Variants in MYBL2 observed in about 807,000 individuals in gnomAD.
MYBL2 encodes MYB proto-oncogene like 2, also known as myb-related protein B.
In MYBL2, 28 loss-of-function variants were observed where a neutral mutation model predicts 79.9. The observed-to-expected ratio is 0.35, with a 90% confidence interval of 0.26 to 0.48. The LOEUF is 0.48. Among genes scored for constraint, MYBL2 ranks in the 20% least tolerant of loss-of-function variants. The pLI is 0.99. For missense variants in MYBL2, 735 were observed against 893.9 expected, an observed-to-expected ratio of 0.82 and a Z score of 2.27; for synonymous variants, 378 against 361.2, an observed-to-expected ratio of 1.05 and a Z score of -0.53.
At chr20:43,676,849 A>G (rs1987021448) in intron 2 of MYBL2, among the ~76,000 whole-genome samples, 2 of 148,372 alleles carry the variant, frequency 1.3e-5, no homozygotes, top group African/African-American at 2.5e-5. Flanking sequence ...CATAGTTAAC[A>G]TCATAGATGT....
chr20:43,670,713 A>G (rs925263968), intron 1 of MYBL2, among the ~76,000 whole-genome samples: 2 of 152,172 alleles, frequency 1.3e-5, no homozygotes, highest in Non-Finnish European at 2.9e-5. Context: ...CTAGGAAGCA[A>G]CGGTGAGCTT....
intron 11 of MYBL2, among the ~76,000 whole-genome samples, chr20:43,712,056 A>G (rs1463212345): frequency 6.7e-6 from 1 of 150,234 alleles, no homozygotes; most frequent in Non-Finnish European, 1.5e-5. Flanking sequence ...CAGGCCAGGC[A>G]GTGCCTGGCT....
intron 6 of MYBL2, among the ~76,000 whole-genome samples, chr20:43,699,123 C>A (rs948804523): frequency 1.5e-4 from 23 of 152,172 alleles, no homozygotes; most frequent in Non-Finnish European, 3.1e-4. Context: ...ACTGCAACCT[C>A]TGCCTCCCAG....
chr20:43,669,149 T>C (rs2145703129), intron 1 of MYBL2, among the ~76,000 whole-genome samples: 1 of 152,316 alleles, frequency 6.6e-6, no homozygotes, highest in East Asian at 1.9e-4. Flanking sequence ...TGTTTTATTT[T>C]GTGTAGAGAT....
intron 2 of MYBL2, among the ~76,000 whole-genome samples, chr20:43,678,356 C>A (rs1009435744): frequency 6.0e-5 from 9 of 151,168 alleles, no homozygotes; most frequent in Non-Finnish European, 8.8e-5. Flanking sequence ...AGAAAGGATA[C>A]ACTGGGGCTG....
At chr20:43,678,303 AAAAT>A (rs11470202) in intron 2 of MYBL2, among the ~76,000 whole-genome samples, 120,924 of 148,974 alleles carry the variant, frequency 0.81, 49,721 homozygotes, top group Non-Finnish European at 0.87. Context: ...GATCAATAAA[AAAAT>A]AAATAAAGAA....
At chr20:43,695,207 A>G (rs1987507017) in intron 6 of MYBL2, among the ~76,000 whole-genome samples, 1 of 151,692 alleles carries the variant, frequency 6.6e-6, no homozygotes, top group Admixed American at 6.6e-5. Flanking sequence ...ATCCTGGCAA[A>G]TTTTTGTATT....
intron 6 of MYBL2, among the ~76,000 whole-genome samples, chr20:43,693,276 C>G (rs542464562): frequency 6.6e-6 from 1 of 152,190 alleles, no homozygotes; most frequent in South Asian, 2.1e-4. Flanking sequence ...AAGAGATCCG[C>G]CTGCCTTGGC....
chr20:43,712,922 C>A, intron 11 of MYBL2, 80 bp from the exon 12 acceptor site: 1 of 1,108,042 alleles, frequency 9.0e-7, no homozygotes, highest in Admixed American at 2.0e-5. Context: ...TTGTGACCAT[C>A]CATGGCCATG....
rs1015986645 is a variant in MYBL2, at chr20:43,681,655, C to T, written c.115-129C>T. The T allele has an allele frequency of 3.2e-6, 3 of 925,800 alleles. No homozygotes were observed. The African/African-American group carries it at 4.9e-5, about 15-fold the overall frequency. The allele number at this position is 925,800 out of a possible 1,614,324, so 57.3% of individuals were successfully genotyped here. ...CTGCTGCAGCTGTAGTGCCTGGCAC[C>T]TTGTACGTATTCACTTCATGACGGA... On this transcript the variant is annotated intron_variant, in intron 2 of 13. Transcript: ENST00000217026.
intron 12 of MYBL2, among the ~76,000 whole-genome samples, chr20:43,714,360 C>T (rs960147176): frequency 1.3e-5 from 2 of 152,184 alleles, no homozygotes; most frequent in Non-Finnish European, 2.9e-5. Context: ...ACAGCCTTGG[C>T]TCCTCCTGAG....
In MYBL2 at chr20:43,702,476, C is replaced by T; in HGVS notation, c.952-14C>T. ...GCATAGTAATTGCAATTCCTAACCT[C>T]CCTCCCTGGACAGGACCCTGATGCT... On this transcript the variant is annotated splice_polypyrimidine_tract_variant and intron_variant, in intron 7 of 13. Coordinates refer to ENST00000217026, the MANE Select transcript of MYBL2 (RefSeq NM_002466.4). 1 of 1,578,566 alleles carries T rather than the reference C, an allele frequency of 6.3e-7. No individual in the cohort carries two copies. The highest frequency in any genetic ancestry group is 8.6e-7 in the Non-Finnish European group (1 of 1,156,378).
chr20:43,704,714 C>T (rs1359236524), intron 8 of MYBL2, among the ~76,000 whole-genome samples: 4 of 152,204 alleles, frequency 2.6e-5, no homozygotes, highest in Non-Finnish European at 2.9e-5. Flanking sequence ...GTTTTCTTAT[C>T]TGTAAAAGGG....
At chr20:43,715,937 T>A in intron 13 of MYBL2, 22 bp from the exon 14 acceptor site, 1 of 1,601,666 alleles carries the variant, frequency 6.2e-7, no homozygotes, top group Non-Finnish European at 8.5e-7. Flanking sequence ...GCCTGGATGG[T>A]AACCCTCTTG....
At chr20:43,705,506 C>A in intron 9 of MYBL2, 148 bp downstream of exon 9, 1 of 933,238 alleles carries the variant, frequency 1.1e-6, no homozygotes, top group Non-Finnish European at 1.5e-6. Flanking sequence ...TCCTTTCTGG[C>A]CACCACGATT....
intron 5 of MYBL2, among the ~76,000 whole-genome samples, chr20:43,689,597 T>C (rs1444947756): frequency 6.6e-6 from 1 of 152,228 alleles, no homozygotes; most frequent in Non-Finnish European, 1.5e-5. Flanking sequence ...GGGGGTGCTA[T>C]TTCTTCAGAG....
At chr20:43,687,197 T>TC in intron 5 of MYBL2, 125 bp downstream of exon 5, 1 of 982,628 alleles carries the variant, frequency 1.0e-6, no homozygotes, top group East Asian at 2.6e-5. Flanking sequence ...CAGCCTCGGC[T>TC]CCAGGGCTCC....
chr20:43,671,039 A>ATCTCTG (rs1986842784), intron 1 of MYBL2, among the ~76,000 whole-genome samples: 1 of 146,304 alleles, frequency 6.8e-6, no homozygotes, highest in African/African-American at 2.6e-5. Flanking sequence ...CACGATCTTG[A>ATCTCTG]CTCACTGCAA....
intron 6 of MYBL2, among the ~76,000 whole-genome samples, chr20:43,695,903 G>A (rs546170572): frequency 2.8e-4 from 43 of 152,204 alleles, no homozygotes; most frequent in Middle Eastern, 6.8e-3. Context: ...CCAGCTACTC[G>A]GGAGGCTGAG....
Sources: gnomAD v4.1 joint callset for allele counts (sites outside exome capture counted in the v4.1 genomes callset) on GRCh38, gnomAD v4.1.1 for gene constraint, MANE v1.5 for transcripts, NCBI Gene and HGNC (gene_info 2026-07-23, HGNC 2026-07-21) for gene names.